Variants in KCTD2 observed in about 807,000 individuals in gnomAD.
KCTD2 encodes the protein potassium channel tetramerization domain containing 2.
Under a neutral mutation model 27.9 loss-of-function variants are expected in KCTD2, and 18 were observed. The ratio of observed to expected loss-of-function variants is 0.64; its 90% CI spans 0.45 to 0.96. KCTD2 has a LOEUF of 0.96. Ranked by LOEUF, KCTD2 falls within the 40% of genes least tolerant of loss-of-function variation. The pLI is 0.00. For synonymous variants in KCTD2, 175 were observed against 148.4 expected (o/e 1.18, Z -1.30); for missense variants, 280 against 348.0 (o/e 0.80, Z 1.56).
upstream of KCTD2, chr17:75,047,125 T>C (rs1227830963): frequency 3.6e-5 from 9 of 249,996 alleles, no homozygotes; most frequent in Non-Finnish European, 6.7e-5. Context: ...CGGGCGCTGG[T>C]TGGGGGCGCT....
rs753976531 is a variant in KCTD2, at chr17:75,062,249, A to AGCTC, written c.762+5_762+6insCTCG. ...AGAGCCGAGCGAAAAGGCGAAGGTA[A>AGCTC]GGAGCCCCTTCCCTGGGCAGTTGCC... On this transcript the variant is annotated splice_donor_region_variant and intron_variant, in intron 5 of 5. Coordinates refer to ENST00000322444, the MANE Select transcript of KCTD2 (RefSeq NM_015353.3). 1 of 1,610,298 alleles carries AGCTC rather than the reference A, an allele frequency of 6.2e-7. No homozygotes were observed. The highest frequency in any genetic ancestry group is 1.3e-5 in the African/African-American group (1 of 74,718).
At chr17:75,040,117 T>G (rs562549086) in intron 3 of KCTD2, 9 of 1,612,954 alleles carry the variant, frequency 5.6e-6, no homozygotes, top group Non-Finnish European at 7.6e-6. Flanking sequence ...GGCATCCACC[T>G]GGGCAGTATA....
At chr17:75,057,045 C>T (rs2073357802) in intron 3 of KCTD2, among the ~76,000 whole-genome samples, 1 of 147,630 alleles carries the variant, frequency 6.8e-6, no homozygotes, top group African/African-American at 2.5e-5. Context: ...ACCTCTGCCT[C>T]CTGGGTTCCA....
chr17:75,052,258 A>G (rs1041691784), intron 2 of KCTD2, among the ~76,000 whole-genome samples: 3 of 152,214 alleles, frequency 2.0e-5, no homozygotes, highest in Non-Finnish European at 4.4e-5. Flanking sequence ...GATATTTCCT[A>G]GCAGAAGGAG....
chr17:75,062,385 T>A, intron 5 of KCTD2, 140 bp downstream of exon 5: 1 of 791,072 alleles, frequency 1.3e-6, no homozygotes, highest in Non-Finnish European at 1.9e-6. Flanking sequence ...TTTTGTTATT[T>A]TTGACTGTTG....
At chr17:75,042,439 G>A (rs2073170799), upstream of KCTD2, 6 of 1,543,548 alleles carry the variant, frequency 3.9e-6, no homozygotes, top group Admixed American at 1.2e-4. Flanking sequence ...TTGTCATAAG[G>A]GCATCAAGAA....
At chr17:75,059,442 C>T (rs2073381820) in intron 3 of KCTD2, 68 bp from the exon 4 acceptor site, 2 of 1,008,658 alleles carry the variant, frequency 2.0e-6, no homozygotes, top group South Asian at 3.9e-5. Context: ...ATTTGAAGAG[C>T]CTCCTTGGGG....
chr17:75,054,720 T>C (rs1189686887), intron 3 of KCTD2, among the ~76,000 whole-genome samples: 2 of 151,002 alleles, frequency 1.3e-5, no homozygotes, highest in Non-Finnish European at 2.9e-5. Context: ...AGCAGGAGAA[T>C]GGTGTGAACC....
In KCTD2 at chr17:75,051,278, T is replaced by C. The variant is rs1387387737; in HGVS notation, c.449-1736T>C. On this transcript the variant is annotated intron_variant, in intron 2 of 5. Coordinates refer to ENST00000322444, the MANE Select transcript of KCTD2 (RefSeq NM_015353.3). ...CAGACATGAGCCACCGCGCCCGACC[T>C]TTTTTTTTTTTTTTTTTTTTTTTGG... Among the ~76,000 whole-genome samples, 13 of 69,126 alleles carry C rather than the reference T, an allele frequency of 1.9e-4. No individual in the cohort carries two copies. The East Asian group carries it at 0.021, about 113-fold the overall frequency. The allele number at this position is 69,126 out of a possible 152,430, so 45.3% of individuals were successfully genotyped here. A position where few individuals can be genotyped will look rare whatever the true frequency, so the allele number is the denominator to read the frequency against.
chr17:75,053,350 G>T (rs1203896196), intron 3 of KCTD2, among the ~76,000 whole-genome samples: 1 of 152,262 alleles, frequency 6.6e-6, no homozygotes, highest in South Asian at 2.1e-4. Context: ...GCGGGAGGAG[G>T]CGCCCAGGGC....
intron 4 of KCTD2, chr17:75,060,664 C>T (rs932324486): frequency 1.3e-5 from 20 of 1,495,418 alleles, no homozygotes; most frequent in Admixed American, 4.4e-5. Context: ...GGAGGGCGCG[C>T]GTGCGAGGGC....
Position 75,065,545 on chromosome 17 carries a change from A to G in KCTD2, c.*2498A>G, listed in dbSNP as rs959100210. On this transcript the variant is annotated 3_prime_UTR_variant, in exon 6 of 6. Coordinates refer to ENST00000322444, the MANE Select transcript of KCTD2 (RefSeq NM_015353.3). ...CCAGCCAGGCCCAGGAGTGCCCAGC[A>G]TCCCCCAACTGATGACACAGTAGCA... 1 of 152,334 alleles carries G rather than the reference A, an allele frequency of 6.6e-6. No individual in the cohort carries two copies. The highest frequency in any genetic ancestry group is 6.5e-5 in the Admixed American group (1 of 15,274). 9.4% of individuals were successfully genotyped at this position (152,334 alleles called of 1,614,324 possible).
intron 1 of KCTD2, chr17:75,034,006 T>C (rs1174260466): frequency 3.3e-5 from 5 of 152,102 alleles, no homozygotes; most frequent in Non-Finnish European, 7.4e-5. Flanking sequence ...TACGGAATTT[T>C]TTATTTCTTT....
chr17:75,055,729 G>A (rs2144934793), intron 3 of KCTD2, among the ~76,000 whole-genome samples: 1 of 152,288 alleles, frequency 6.6e-6, no homozygotes, highest in East Asian at 1.9e-4. Context: ...CTACTTGGGA[G>A]GCTGAGGCAG....
At chr17:75,042,175 T>A in intron 3 of KCTD2, 5 of 1,613,070 alleles carry the variant, frequency 3.1e-6, no homozygotes, top group Non-Finnish European at 4.2e-6. Context: ...AGGTGTGAAG[T>A]CTCACCTTCT....
Position 75,062,893 on chromosome 17 carries a change from A to G in KCTD2, c.763-125A>G, listed in dbSNP as rs973588444. The G allele has an allele frequency of 3.0e-5, 29 of 969,332 alleles. No homozygotes were observed. In the Admixed American group the frequency reaches 4.9e-4, roughly 16 times the overall value. 60.0% of individuals were successfully genotyped at this position (969,332 alleles called of 1,614,324 possible). On this transcript the variant is annotated intron_variant, in intron 5 of 5. Coordinates refer to ENST00000322444, the MANE Select transcript of KCTD2 (RefSeq NM_015353.3). Reference sequence around the variant, plus strand: ...GCACTGCGGGTGAGGCTGCGGCTGCACCCCTGCTTGCTTCCTGGGATGACA... The same window carrying G: ...GCACTGCGGGTGAGGCTGCGGCTGCGCCCCTGCTTGCTTCCTGGGATGACA...
upstream of KCTD2, among the ~76,000 whole-genome samples, chr17:75,045,378 A>T (rs1468568161): frequency 1.3e-5 from 2 of 152,192 alleles, no homozygotes; most frequent in Non-Finnish European, 2.9e-5. Flanking sequence ...GGGTTTTCAG[A>T]TCAACCGGTC....
chr17:75,034,069 C>T (rs2040090640), exon 2 of KCTD2: 1 of 152,172 alleles, frequency 6.6e-6, no homozygotes. Context: ...AGTTCGACTC[C>T]CGTGCAACGT....
At chr17:75,057,296 G>C (rs1157291447) in intron 3 of KCTD2, among the ~76,000 whole-genome samples, 1 of 151,838 alleles carries the variant, frequency 6.6e-6, no homozygotes, top group Admixed American at 6.6e-5. Flanking sequence ...GATTGATCCT[G>C]GTGCATTTGA....
Sources: allele counts gnomAD v4.1 joint callset (sites outside exome capture counted in the v4.1 genomes callset), GRCh38; gene constraint gnomAD v4.1.1; transcripts MANE v1.5; gene names NCBI Gene and HGNC (gene_info 2026-07-23, HGNC 2026-07-21).